The following TXNDC11 variants were observed in gnomAD, a reference collection of about 807,000 sequenced individuals.
TXNDC11 encodes the protein thioredoxin domain-containing protein 11.
A neutral mutation model predicts 78.0 loss-of-function variants in TXNDC11; 68 were observed. The observed-to-expected ratio is 0.87, with a 90% CI of 0.72 to 1.07. TXNDC11 has a LOEUF of 1.07. TXNDC11 is among the 50% of genes least tolerant of loss of function. The probability of loss-of-function intolerance (pLI) is 0.00; values close to 1 mark genes in which losing one functional copy is unlikely to be tolerated. For synonymous variants in TXNDC11, 571 were observed against 495.2 expected (o/e 1.15, Z -2.03); for missense variants, 1,389 against 1,221.8 (o/e 1.14, Z -2.04).
chr16:11,727,743 T>C (rs2051926892), intron 4 of TXNDC11, among the ~76,000 whole-genome samples: 1 of 139,284 alleles, frequency 7.2e-6, no homozygotes, highest in African/African-American at 2.7e-5. Flanking sequence ...ACTGCCACCA[T>C]TATAAGCAGA....
chr16:11,710,820 T>C (rs2051328678), intron 5 of TXNDC11, among the ~76,000 whole-genome samples: 1 of 152,044 alleles, frequency 6.6e-6, no homozygotes, highest in African/African-American at 2.4e-5. Context: ...GTCAAATAAA[T>C]AAATAAACAT....
rs1019786625 is a variant in TXNDC11 at position 11,737,703 on chromosome 16, A to G, written c.255-1470T>C. 2.0e-5 allele frequency among the ~76,000 whole-genome samples: 3 copies of G among 151,678 alleles called. No individual in the cohort carries two copies. In the East Asian group the frequency reaches 5.8e-4, roughly 29 times the overall value. On this transcript the variant is annotated intron_variant, in intron 1 of 11. Transcript: ENST00000283033. ...ATGGTGAAACCCCATCTCTACTGAA[A>G]AAAATACAAAAAATTAGCCGGGCGT...
In TXNDC11 at chr16:11,679,672, G is replaced by C. The variant is rs746289633; in HGVS notation, c.2400C>G (p.Ile800Met). The C allele has an allele frequency of 6.2e-7, 1 of 1,614,224 alleles. No homozygotes were observed. The highest frequency in any genetic ancestry group is 8.5e-7 in the Non-Finnish European group (1 of 1,180,038). ...TCTGGATCTCTCTCTCCAAGTGGGA[G>C]ATGTGCCCCCGCTGTAAGACTGCCT... ...QSEAVLQRGH[I>M]SHLEREIQKL... The change falls in exon 12 of 12, where the codon ATC becomes ATG. Residue 800 changes from isoleucine to methionine, a missense_variant. Coordinates refer to ENST00000283033, the MANE Select transcript of TXNDC11 (RefSeq NM_015914.7). This position sits in a 1 kb window ranked among gnomAD's most constrained non-coding sequence, Gnocchi z 4.6.
chr16:11,687,287 G>A (rs1477266851), intron 10 of TXNDC11, among the ~76,000 whole-genome samples: 1 of 151,868 alleles, frequency 6.6e-6, no homozygotes, highest in Admixed American at 6.6e-5. Context: ...GGGAGGTGGG[G>A]GGTTAAATGT....
intron 1 of TXNDC11, among the ~76,000 whole-genome samples, chr16:11,740,816 T>A (rs57386514): frequency 0.039 from 5,929 of 152,300 alleles, 386 homozygotes; most frequent in African/African-American, 0.13. Flanking sequence ...GATAACAGTA[T>A]ATTCAAACTT....
intron 7 of TXNDC11, among the ~76,000 whole-genome samples, chr16:11,693,864 A>G (rs947953711): frequency 1.3e-5 from 2 of 152,170 alleles, no homozygotes; most frequent in African/African-American, 2.4e-5. Flanking sequence ...TTTAGATTCA[A>G]AGACGCAGTA....
chr16:11,697,974 T>C lies in TXNDC11; in HGVS notation c.1107+151A>G, dbSNP rs74008168. ...AGACACGGGCTCTCTCCTGCCCATA[T>C]GGAGGGGCAAAGAGCAATGCTCAGA... On this transcript the variant is annotated intron_variant, in intron 7 of 11. Transcript: ENST00000283033. The C allele has an allele frequency of 0.016, 11,744 of 724,252 alleles. 1,002 individuals are homozygous for C. In the African/African-American group the frequency reaches 0.18, roughly 11 times the overall value. The allele number at this position is 724,252 out of a possible 1,614,324, so 44.9% of individuals were successfully genotyped here.
chr16:11,694,431 G>A lies in TXNDC11; in HGVS notation c.1108-2349C>T, dbSNP rs11645154. Among the ~76,000 whole-genome samples the A allele has an allele frequency of 5.9e-3, 893 of 151,550 alleles. 7 individuals are homozygous for A. Among genetic ancestry groups the A allele is most frequent in the Non-Finnish European group, 8.1e-3 (553 of 67,932 alleles). On this transcript the variant is annotated intron_variant, in intron 7 of 11. Transcript: ENST00000283033. ...GTAATCCCACTGGGATTGTAAGCAT[G>A]AGCCACCGCGCCCGACCAGCAATGC...
intron 5 of TXNDC11, among the ~76,000 whole-genome samples, chr16:11,713,030 C>T (rs1299925830): frequency 6.6e-6 from 1 of 150,402 alleles, no homozygotes; most frequent in East Asian, 2.0e-4. Context: ...TCGCTTGAAC[C>T]CAGGAGGCGG....
intron 11 of TXNDC11, among the ~76,000 whole-genome samples, chr16:11,681,833 C>T (rs2050433629): frequency 6.6e-6 from 1 of 152,238 alleles, no homozygotes; most frequent in South Asian, 2.1e-4. Flanking sequence ...GGCCCCACCC[C>T]TTCCTCTTCC....
chr16:11,729,514 T>C lies in TXNDC11; in HGVS notation c.699+1131A>G, dbSNP rs144795160. Among the ~76,000 whole-genome samples, 489 of 152,216 alleles carry C rather than the reference T, an allele frequency of 3.2e-3. 3 individuals carry two copies. The highest frequency in any genetic ancestry group is 0.011 in the African/African-American group (470 of 41,520). ...CTATACTGATGTTCTGGTGAAAAAA[T>C]GTGTATCCAATCTATACAGAATATA... On this transcript the variant is annotated intron_variant, in intron 4 of 11. Coordinates refer to ENST00000283033, the MANE Select transcript of TXNDC11 (RefSeq NM_015914.7).
chr16:11,736,708 A>G (rs150432665), intron 1 of TXNDC11, among the ~76,000 whole-genome samples: 313 of 152,358 alleles, frequency 2.1e-3, no homozygotes, highest in Non-Finnish European at 3.7e-3. Context: ...TATTAGCTGG[A>G]GTTGGCTTGT....
At chr16:11,702,072 G>T (rs1320665724) in intron 5 of TXNDC11, among the ~76,000 whole-genome samples, 1 of 146,800 alleles carries the variant, frequency 6.8e-6, no homozygotes, top group Non-Finnish European at 1.5e-5. Context: ...GTGTATGTGT[G>T]TGTGTGTATG....
chr16:11,714,350 TCA>T (rs1473865263), intron 5 of TXNDC11, among the ~76,000 whole-genome samples: 3 of 152,130 alleles, frequency 2.0e-5, no homozygotes, highest in Non-Finnish European at 4.4e-5. Context: ...GTATAAAATC[TCA>T]CCATCTGGCC....
At position 11,687,958 on chromosome 16, in the gene TXNDC11, G is replaced by T; in HGVS notation, c.2052C>A (p.Leu684=). 1 of 1,612,366 alleles carries T rather than the reference G, an allele frequency of 6.2e-7. No homozygotes were observed. The highest frequency in any genetic ancestry group is 1.3e-5 in the African/African-American group (1 of 74,990). Residue 684 remains leucine, a synonymous_variant, in exon 10 of 12, where the codon CTC becomes CTA. Coordinates refer to ENST00000283033, the MANE Select transcript of TXNDC11 (RefSeq NM_015914.7). ...WEVVLQKQDV[L]LLYYAPWCGF... Reference sequence around the variant, plus strand: ...CGCACCACGGAGCGTAATAGAGCAGGAGAACGTCCTGTGGGAAAGGGAAGA... The same window carrying T: ...CGCACCACGGAGCGTAATAGAGCAGTAGAACGTCCTGTGGGAAAGGGAAGA...
At chr16:11,725,158 G>C (rs2051838564) in intron 4 of TXNDC11, among the ~76,000 whole-genome samples, 2 of 152,184 alleles carry the variant, frequency 1.3e-5, no homozygotes, top group African/African-American at 4.8e-5. Context: ...TACAAGGGAA[G>C]TATCATTGTA....
chr16:11,741,728 T>G (rs773186441), intron 1 of TXNDC11, among the ~76,000 whole-genome samples: 1 of 152,136 alleles, frequency 6.6e-6, no homozygotes, highest in African/African-American at 2.4e-5. Context: ...ACATAGTAGG[T>G]GCAGATAAAT....
At chr16:11,690,619 C>T (rs1261460192) in intron 8 of TXNDC11, 1 of 152,338 alleles carries the variant, frequency 6.6e-6, no homozygotes, top group Non-Finnish European at 1.5e-5. Context: ...GGGGCGCGAT[C>T]TCTGCTCACT....
Position 11,730,725 on chromosome 16 carries a change from T to A in TXNDC11, c.619A>T (p.Lys207Ter). 1 of 1,613,694 alleles carries A rather than the reference T, an allele frequency of 6.2e-7. No homozygotes were observed. The highest frequency in any genetic ancestry group is 8.5e-7 in the Non-Finnish European group (1 of 1,179,782). Residue 207 changes from lysine to a stop codon, truncating the protein, a stop_gained, in exon 4 of 12, where the codon AAG (lysine) becomes TAG (stop). Transcript: ENST00000283033. LOFTEE classifies it high-confidence loss of function. The stretch of plus-strand genomic sequence containing the variant: ...GGTTTCATCACCCGGCGGACAAACT[T>A]CTCAATGTAAACAGCACTCATGGGG... ...KGPMSAVYIEKFVRRVMKPLL... is the reference protein window; with the variant it reads ...KGPMSAVYIE
Sources: allele counts gnomAD v4.1 joint callset (sites outside exome capture counted in the v4.1 genomes callset), GRCh38; gene constraint gnomAD v4.1.1; non-coding constraint Gnocchi (gnomAD v3.1); transcripts MANE v1.5; gene names NCBI Gene and HGNC (gene_info 2026-07-23, HGNC 2026-07-21).